Variants in EXD3 observed in about 807,000 individuals in gnomAD.
EXD3 encodes the protein exonuclease 3'-5' domain containing 3, also known as exonuclease mut-7 homolog.
Under a neutral mutation model 98.0 loss-of-function variants are expected in EXD3, and 92 were observed. The ratio of observed to expected loss-of-function variants is 0.94; its 90% CI spans 0.79 to 1.12. The LOEUF (loss-of-function observed/expected upper bound fraction) is 1.12. Ranked by LOEUF, EXD3 falls within the 50% of genes most tolerant of loss-of-function variation. The pLI, the probability that EXD3 is intolerant of heterozygous loss-of-function variation, is 0.00. For synonymous variants in EXD3, 569 were observed against 526.0 expected, an observed-to-expected ratio of 1.08 and a Z score of -1.12; for missense variants, 1,222 against 1,191.6, an observed-to-expected ratio of 1.03 and a Z score of -0.38.
At chr9:137,402,773 T>A (rs1057301910) in intron 1 of EXD3, among the ~76,000 whole-genome samples, 3 of 152,160 alleles carry the variant, frequency 2.0e-5, no homozygotes, top group African/African-American at 7.2e-5. Context: ...GATAAACACA[T>A]ACCTGAGACT....
chr9:137,398,719 ATCCCCAAGACACACAGGCACCCGCG>A (rs1837338683), intron 1 of EXD3, among the ~76,000 whole-genome samples: 27 of 73,832 alleles, frequency 3.7e-4, no homozygotes, highest in Non-Finnish European at 6.7e-4. Context: ...GTGCACCCGC[ATCCCCAAGACACACAGGCACCCGCG>A]TCCCCGAGAC....
intron 1 of EXD3, among the ~76,000 whole-genome samples, chr9:137,420,033 G>A (rs1002441677): frequency 6.6e-6 from 1 of 152,060 alleles, no homozygotes; most frequent in African/African-American, 2.4e-5. Context: ...GGTGGCAGGT[G>A]CCTGTAGTCC....
chr9:137,321,705 C>T (rs1832040481), intron 19 of EXD3, among the ~76,000 whole-genome samples: 1 of 152,130 alleles, frequency 6.6e-6, no homozygotes, highest in Admixed American at 6.5e-5. Flanking sequence ...CCCCAGGAAA[C>T]AAAACTGGGC....
rs1324531469 is a variant in EXD3, at chr9:137,306,900, G to A, written c.*50C>T. The A allele has an allele frequency of 3.3e-6, 5 of 1,510,184 alleles. No individual in the cohort carries two copies. The highest frequency in any genetic ancestry group is 8.8e-7 in the Non-Finnish European group (1 of 1,130,946). 93.5% of individuals were successfully genotyped at this position (1,510,184 alleles called of 1,614,324 possible). A position where few individuals can be genotyped will look rare whatever the true frequency, so the allele number is the denominator to read the frequency against. ...CATGAAACATGTGAGCCAGTCCACG[G>A]CCATGGGCCCAGCAGTCGGGCACTT... On this transcript the variant is annotated 3_prime_UTR_variant, in exon 22 of 22. Coordinates refer to ENST00000340951, the MANE Select transcript of EXD3 (RefSeq NM_017820.5).
chr9:137,400,029 C>CAA (rs36029399), intron 1 of EXD3, among the ~76,000 whole-genome samples: 5 of 73,260 alleles, frequency 6.8e-5, no homozygotes, highest in African/African-American at 1.9e-4. Flanking sequence ...AACTCCATCT[C>CAA]AAAAAAAAAA....
chr9:137,339,563 G>T (rs553281994), intron 17 of EXD3, among the ~76,000 whole-genome samples: 30 of 151,240 alleles, frequency 2.0e-4, no homozygotes, highest in Non-Finnish European at 4.0e-4. Flanking sequence ...TAATATGCGG[G>T]ACCAAGTTGA....
chr9:137,313,024 G>A (rs756452506), intron 19 of EXD3, among the ~76,000 whole-genome samples: 2 of 152,178 alleles, frequency 1.3e-5, no homozygotes, highest in African/African-American at 2.4e-5. Flanking sequence ...GCACAGGAGT[G>A]GTGAGGGAGG....
intron 1 of EXD3, among the ~76,000 whole-genome samples, chr9:137,399,780 G>A (rs756310524): frequency 3.9e-5 from 6 of 152,190 alleles, no homozygotes; most frequent in Non-Finnish European, 5.9e-5. Context: ...GCTCACTCCT[G>A]TAATGCCAGC....
chr9:137,412,143 G>A (rs1838034837), intron 1 of EXD3, among the ~76,000 whole-genome samples: 1 of 152,238 alleles, frequency 6.6e-6, no homozygotes, highest in Admixed American at 6.5e-5. Context: ...CAAGGACAGG[G>A]GGCTGGAGGC....
chr9:137,367,584 G>A (rs1835330763), intron 6 of EXD3: 1 of 251,414 alleles, frequency 4.0e-6, no homozygotes, highest in South Asian at 5.4e-5. Flanking sequence ...CCACTGCACG[G>A]TGGAGGCGTG....
intron 19 of EXD3, among the ~76,000 whole-genome samples, chr9:137,312,870 C>A (rs986590637): frequency 6.6e-6 from 1 of 152,178 alleles, no homozygotes; most frequent in African/African-American, 2.4e-5. Context: ...GAATGTGCCT[C>A]CAGCAGTGTC....
At chr9:137,422,201 A>G (rs367626781) in intron 1 of EXD3, among the ~76,000 whole-genome samples, 1 of 151,640 alleles carries the variant, frequency 6.6e-6, no homozygotes, top group East Asian at 1.9e-4. Flanking sequence ...GAGCCTTCCC[A>G]GCAAGAGGGG....
intron 17 of EXD3, among the ~76,000 whole-genome samples, chr9:137,341,224 G>A (rs112796216): frequency 1.3e-5 from 2 of 152,228 alleles, no homozygotes; most frequent in African/African-American, 4.8e-5. Flanking sequence ...GGCTGAGTTG[G>A]GAGGCTCACT....
intron 19 of EXD3, among the ~76,000 whole-genome samples, chr9:137,316,078 C>T (rs1713429329): frequency 1.1e-5 from 1 of 90,514 alleles, no homozygotes; most frequent in South Asian, 4.8e-4. Flanking sequence ...GCTCTCGTTC[C>T]CTCCCCCGGC....
At chr9:137,340,201 G>A (rs1214504018) in intron 17 of EXD3, among the ~76,000 whole-genome samples, 1 of 152,198 alleles carries the variant, frequency 6.6e-6, no homozygotes, top group Non-Finnish European at 1.5e-5. Flanking sequence ...AAAGAGGCGG[G>A]GCGTGGTGGC....
intron 3 of EXD3, among the ~76,000 whole-genome samples, chr9:137,381,597 C>T (rs143615026): frequency 6.6e-6 from 1 of 152,094 alleles, no homozygotes; most frequent in Non-Finnish European, 1.5e-5. Context: ...TCTCACCCGC[C>T]CGGTGTGCTG....
chr9:137,353,297 T>C (rs935586092), intron 10 of EXD3: 2 of 985,098 alleles, frequency 2.0e-6, no homozygotes, highest in Admixed American at 6.2e-5. Context: ...CCTCCAAGCC[T>C]CTGCCGGCCC....
chr9:137,327,950 T>TAC (rs1199677982), intron 17 of EXD3, among the ~76,000 whole-genome samples: 1 of 127,370 alleles, frequency 7.9e-6, no homozygotes, highest in East Asian at 2.4e-4. Flanking sequence ...ACAACTAATA[T>TAC]ACTCCTATAT....
chr9:137,316,694 A>C (rs977231978), intron 19 of EXD3, among the ~76,000 whole-genome samples: 12 of 152,122 alleles, frequency 7.9e-5, no homozygotes, highest in African/African-American at 2.9e-4. Context: ...TCCGGGCTGC[A>C]GGGGCTGGGG....
Sources: gnomAD v4.1 joint callset for allele counts (sites outside exome capture counted in the v4.1 genomes callset) on GRCh38, gnomAD v4.1.1 for gene constraint, MANE v1.5 for transcripts, NCBI Gene and HGNC (gene_info 2026-07-23, HGNC 2026-07-21) for gene names.